Variants in POU2F1 observed in about 807,000 individuals in gnomAD.
POU2F1 encodes the protein POU class 2 homeobox 1, also known as POU domain, class 2, transcription factor 1.
POU2F1 carries 16 observed loss-of-function variants against 84.9 expected under a neutral mutation model. The observed-to-expected ratio is 0.19, with a 90% CI of 0.13 to 0.29. POU2F1 has a LOEUF of 0.29. Among genes scored for constraint, POU2F1 ranks in the 10% least tolerant of loss-of-function variants. POU2F1 has a pLI of 1.00. For missense variants in POU2F1, 738 were observed against 942.6 expected (o/e 0.78, Z 2.84); for synonymous variants, 368 against 368.3 (o/e 1.00, Z 0.01).
At chr1:167,329,054 G>A (rs1427069021) in intron 1 of POU2F1, 1 of 1,193,666 alleles carries the variant, frequency 8.4e-7, no homozygotes, top group Non-Finnish European at 1.0e-6. Flanking sequence ...AAACTCCTCT[G>A]AGCAACTGAA....
intron 1 of POU2F1, among the ~76,000 whole-genome samples, chr1:167,231,972 C>A (rs1649097910): frequency 1.3e-5 from 2 of 152,098 alleles, no homozygotes; most frequent in African/African-American, 4.8e-5. Context: ...GGGATTGGTT[C>A]CAGGATTCCC....
intron 1 of POU2F1, among the ~76,000 whole-genome samples, chr1:167,313,975 G>C (rs1655689792): frequency 6.6e-6 from 1 of 152,062 alleles, no homozygotes; most frequent in African/African-American, 2.4e-5. Flanking sequence ...GAGGCAGGTG[G>C]ATCACAAGGT....
chr1:167,260,541 G>A (rs2102432579), intron 1 of POU2F1, among the ~76,000 whole-genome samples: 1 of 152,270 alleles, frequency 6.6e-6, no homozygotes. Flanking sequence ...TGTATGGTAT[G>A]AGATGAGGAT....
At chr1:167,394,221 A>G (rs1162471085) in intron 9 of POU2F1, among the ~76,000 whole-genome samples, 1 of 151,938 alleles carries the variant, frequency 6.6e-6, no homozygotes, top group African/African-American at 2.4e-5. Flanking sequence ...GGGTTTTGCC[A>G]TGTTGGCCAG....
chr1:167,237,770 ATATTTTT>A (rs1649604457), intron 1 of POU2F1, among the ~76,000 whole-genome samples: 1 of 12,670 alleles, frequency 7.9e-5, no homozygotes, highest in Non-Finnish European at 1.5e-4. Flanking sequence ...ATATATATAT[ATATTTTT>A]TTTTTTTTTT....
At chr1:167,235,247 A>G (rs1427366845) in intron 1 of POU2F1, among the ~76,000 whole-genome samples, 1 of 151,928 alleles carries the variant, frequency 6.6e-6, no homozygotes, top group Non-Finnish European at 1.5e-5. Context: ...TGCTTTCCCT[A>G]CCCTCTGAGT....
chr1:167,376,187 T>C (rs1311670484), intron 7 of POU2F1, 32 bp downstream of exon 7: 1 of 1,601,262 alleles, frequency 6.2e-7, no homozygotes, highest in Admixed American at 1.7e-5. Context: ...ATTAGTGGTA[T>C]ACCAAGGCTG....
intron 1 of POU2F1, among the ~76,000 whole-genome samples, chr1:167,305,897 T>A (rs1260184670): frequency 6.6e-6 from 1 of 152,166 alleles, no homozygotes; most frequent in Non-Finnish European, 1.5e-5. Context: ...CAACTAACAT[T>A]TCCTGGAATT....
rs746810572 is a variant in POU2F1 at position 167,418,710 on chromosome 1, C to A, written c.*2900C>A. The A allele has an allele frequency of 1.3e-5, 2 of 152,074 alleles. No homozygotes were observed. The highest frequency in any genetic ancestry group is 2.9e-5 in the Non-Finnish European group (2 of 68,014). 9.4% of individuals were successfully genotyped at this position (152,074 alleles called of 1,614,324 possible). On this transcript the variant is annotated 3_prime_UTR_variant, in exon 16 of 16. Transcript: ENST00000367866. ...AAAATGATCCCTTTCCCAAACAAAACTCACCAACAGACTTTAATATTAGAA... is the reference window on the plus strand; with the variant it reads ...AAAATGATCCCTTTCCCAAACAAAAATCACCAACAGACTTTAATATTAGAA...
chr1:167,226,178 C>T (rs187275094), intron 1 of POU2F1, among the ~76,000 whole-genome samples: 2 of 152,152 alleles, frequency 1.3e-5, no homozygotes, highest in African/African-American at 4.8e-5. Flanking sequence ...ATTTCTTGGG[C>T]GTTAGAGTTG....
chr1:167,394,278 C>T (rs1486639955), intron 9 of POU2F1, among the ~76,000 whole-genome samples: 1 of 152,040 alleles, frequency 6.6e-6, no homozygotes, highest in African/African-American at 2.4e-5. Flanking sequence ...GCCTGGGCCT[C>T]TTAAAGTGCT....
chr1:167,309,690 A>C (rs1655326119), intron 1 of POU2F1, among the ~76,000 whole-genome samples: 1 of 152,170 alleles, frequency 6.6e-6, no homozygotes, highest in Non-Finnish European at 1.5e-5. Context: ...GAACCCTATT[A>C]GTTCCATGTT....
chr1:167,372,221 G>A (rs113539813), intron 5 of POU2F1, among the ~76,000 whole-genome samples, 185 bp downstream of exon 5: 139 of 152,198 alleles, frequency 9.1e-4, no homozygotes, highest in African/African-American at 3.2e-3. Flanking sequence ...TATCTTTGTC[G>A]TAAGTTTTCA....
chr1:167,254,351 A>G (rs1354374653), intron 1 of POU2F1, among the ~76,000 whole-genome samples: 3 of 152,316 alleles, frequency 2.0e-5, no homozygotes, highest in Admixed American at 2.0e-4. Context: ...TAGCATCCTG[A>G]GGCTAGCCAC....
Position 167,412,084 on chromosome 1 carries a change from TCCAGTG to T in POU2F1, c.1688_1693del (p.Ala563_Ser564del). 2 of 1,614,166 alleles carry T rather than the reference TCCAGTG, an allele frequency of 1.2e-6. No individual in the cohort carries two copies. Among genetic ancestry groups the T allele is most frequent in the Non-Finnish European group, 1.7e-6 (2 of 1,180,008 alleles). On this transcript the variant is annotated inframe_deletion, in exon 14 of 16. Transcript: ENST00000367866. ...TGCCTCAGCCTCCACCTCCGAGGCA[TCCAGTG>T]CCAGTGAGACCAGCACAACACAGAC...
At chr1:167,411,499 T>A (rs1479317477) in intron 13 of POU2F1, among the ~76,000 whole-genome samples, 1 of 152,188 alleles carries the variant, frequency 6.6e-6, no homozygotes, top group East Asian at 1.9e-4. Context: ...ATTTTTATAC[T>A]ATGTTGTTGT....
At chr1:167,375,603 A>C (rs997024002) in intron 6 of POU2F1, among the ~76,000 whole-genome samples, 2 of 152,228 alleles carry the variant, frequency 1.3e-5, no homozygotes, top group African/African-American at 4.8e-5. Context: ...GTCAAATGTC[A>C]TAAGTCATTA....
Position 167,358,462 on chromosome 1 carries a change from A to T in POU2F1, c.128-7005A>T, listed in dbSNP as rs138646718. Among the ~76,000 whole-genome samples, 98 of 152,028 alleles carry T rather than the reference A, an allele frequency of 6.4e-4. 1 individual carries two copies. In the East Asian group the frequency reaches 0.018, roughly 28 times the overall value. ...TGTTCTCTGGAAACGTTTGTGGAGG[A>T]TTAGAATTATTTGTTCCTTGAATTT... On this transcript the variant is annotated intron_variant, in intron 2 of 15. Transcript: ENST00000367866.
intron 1 of POU2F1, among the ~76,000 whole-genome samples, chr1:167,223,667 G>A (rs1497862): frequency 0.91 from 138,331 of 152,146 alleles, 63,841 homozygotes; most frequent in East Asian, 1. Context: ...GCTAATTTCA[G>A]ATAACCAGTT....
Sources: gnomAD v4.1 joint callset for allele counts (sites outside exome capture counted in the v4.1 genomes callset) on GRCh38, gnomAD v4.1.1 for gene constraint, MANE v1.5 for transcripts, NCBI Gene and HGNC (gene_info 2026-07-23, HGNC 2026-07-21) for gene names.